DYM: variants seen among roughly 807,000 people sequenced by gnomAD.
The protein encoded by DYM is dymeclin, also known as dyggve-Melchior-Clausen syndrome protein.
DYM carries 78 observed loss-of-function variants against 93.1 expected under a neutral mutation model. The observed-to-expected ratio is 0.84, with a 90% CI of 0.70 to 1.01. The LOEUF is 1.01. Among genes scored for constraint, DYM ranks in the 50% least tolerant of loss-of-function variants. The pLI is 0.00. For synonymous variants in DYM, 321 were observed against 319.7 expected (o/e 1.00, Z -0.04); for missense variants, 789 against 845.0 (o/e 0.93, Z 0.82).
chr18:49,283,549 G>A (rs2095045558), intron 9 of DYM, among the ~76,000 whole-genome samples: 1 of 151,940 alleles, frequency 6.6e-6, no homozygotes, highest in Non-Finnish European at 1.5e-5. Flanking sequence ...TGGATTTGCT[G>A]AGAAACTGAA....
At chr18:49,320,739 C>T (rs11659570) in intron 8 of DYM, among the ~76,000 whole-genome samples, 47,485 of 152,028 alleles carry the variant, frequency 0.31, 8,574 homozygotes, top group Middle Eastern at 0.47. Flanking sequence ...TCCTAAAGTG[C>T]TGGGATTACA....
intron 5 of DYM, among the ~76,000 whole-genome samples, chr18:49,377,576 A>T (rs145068491): frequency 0.012 from 1,784 of 152,202 alleles, 32 homozygotes; most frequent in African/African-American, 0.04. Flanking sequence ...AATAAAAATA[A>T]AAATATAAAT....
intron 13 of DYM, among the ~76,000 whole-genome samples, chr18:49,252,151 G>A (rs1364662126): frequency 7.4e-6 from 1 of 134,692 alleles, no homozygotes; most frequent in Non-Finnish European, 1.5e-5. Context: ...CTGGGAGGTG[G>A]AGGTTGCAGT....
intron 15 of DYM, among the ~76,000 whole-genome samples, chr18:49,160,599 C>T (rs2086991192): frequency 1.4e-5 from 2 of 144,058 alleles, no homozygotes; most frequent in Admixed American, 1.4e-4. Context: ...AAAAAGTACA[C>T]ATCTAGGAAT....
In DYM at chr18:49,160,700, T is replaced by C. The variant is rs572956830; in HGVS notation, c.1728+2985A>G. On this transcript the variant is annotated intron_variant, in intron 15 of 17. Coordinates refer to ENST00000675505, the MANE Select transcript of DYM (RefSeq NM_001353214.3). Reference sequence around the variant, plus strand: ...TTAGTCCAGGACACAGAATTTTATGTGGTTACTGGCAAAGGTACTTAAGTA... The same window carrying C: ...TTAGTCCAGGACACAGAATTTTATGCGGTTACTGGCAAAGGTACTTAAGTA... Among the ~76,000 whole-genome samples the C allele has an allele frequency of 2.0e-5, 3 of 152,276 alleles. No homozygotes were observed. In the East Asian group the frequency reaches 5.8e-4, roughly 29 times the overall value.
chr18:49,415,481 G>T (rs1303314605), intron 2 of DYM, among the ~76,000 whole-genome samples: 1 of 147,198 alleles, frequency 6.8e-6, no homozygotes, highest in African/African-American at 2.5e-5. Flanking sequence ...TATTAAAAAT[G>T]AACATGCATT....
chr18:49,255,631 C>T (rs1598930329), intron 13 of DYM, among the ~76,000 whole-genome samples: 1 of 150,556 alleles, frequency 6.6e-6, no homozygotes, highest in East Asian at 2.0e-4. Flanking sequence ...CAAGATCACA[C>T]CACTGCACTC....
chr18:49,286,276 T>C (rs1694862181), intron 9 of DYM, among the ~76,000 whole-genome samples, 158 bp downstream of exon 9: 1 of 152,206 alleles, frequency 6.6e-6, no homozygotes, highest in South Asian at 2.1e-4. Flanking sequence ...TTGACCTTCC[T>C]GATAATATTG....
intron 17 of DYM, among the ~76,000 whole-genome samples, chr18:49,080,617 G>A: frequency 6.8e-6 from 1 of 147,582 alleles, no homozygotes; most frequent in African/African-American, 2.5e-5. Context: ...CTCCTGGACG[G>A]GGCGGCTGGC....
At chr18:49,229,531 ATTAT>A (rs1468129623) in intron 13 of DYM, among the ~76,000 whole-genome samples, 2 of 152,200 alleles carry the variant, frequency 1.3e-5, no homozygotes, top group African/African-American at 4.8e-5. Context: ...GATGCTCAAC[ATTAT>A]TTGTCATTAG....
intron 6 of DYM, among the ~76,000 whole-genome samples, chr18:49,346,285 T>C (rs2064588438): frequency 6.6e-6 from 1 of 152,182 alleles, no homozygotes; most frequent in Non-Finnish European, 1.5e-5. Flanking sequence ...TGGGATACTT[T>C]TCAGCATAAA....
chr18:49,158,503 G>T (rs997573338), intron 15 of DYM, among the ~76,000 whole-genome samples: 1 of 152,152 alleles, frequency 6.6e-6, no homozygotes, highest in Non-Finnish European at 1.5e-5. Flanking sequence ...TCTTGGATAT[G>T]ACAGCATACC....
At chr18:49,059,231 C>T (rs892703111) in intron 17 of DYM, among the ~76,000 whole-genome samples, 5 of 152,184 alleles carry the variant, frequency 3.3e-5, no homozygotes, top group East Asian at 1.9e-4. Flanking sequence ...GTGCTGTCTA[C>T]GAACCACAAA....
At chr18:49,290,284 G>GA (rs1212471823) in intron 8 of DYM, among the ~76,000 whole-genome samples, 28 of 150,822 alleles carry the variant, frequency 1.9e-4, no homozygotes, top group African/African-American at 6.6e-4. Flanking sequence ...ACCGTTAAGT[G>GA]AAAAAAACAA....
At chr18:49,306,390 A>T (rs914515886) in intron 8 of DYM, among the ~76,000 whole-genome samples, 1 of 152,216 alleles carries the variant, frequency 6.6e-6, no homozygotes, top group Non-Finnish European at 1.5e-5. Flanking sequence ...AGAAAAATCC[A>T]GTTGGCTCAG....
intron 6 of DYM, among the ~76,000 whole-genome samples, chr18:49,338,893 A>G (rs2063866790): frequency 6.6e-6 from 1 of 152,230 alleles, no homozygotes. Context: ...CAAAAATTAC[A>G]CATTAAATTA....
chr18:49,072,057 T>G (rs1175838124), intron 17 of DYM, among the ~76,000 whole-genome samples: 1 of 152,190 alleles, frequency 6.6e-6, no homozygotes, highest in Non-Finnish European at 1.5e-5. Context: ...AGATTTTGTT[T>G]TACAAAATGA....
chr18:49,225,339 A>AT (rs1399052966), intron 13 of DYM, among the ~76,000 whole-genome samples: 1 of 152,130 alleles, frequency 6.6e-6, no homozygotes, highest in Non-Finnish European at 1.5e-5. Context: ...CCCTTGAATC[A>AT]TTTCATTCCT....
chr18:49,069,925 C>A (rs2076754330), intron 17 of DYM, among the ~76,000 whole-genome samples: 3 of 152,214 alleles, frequency 2.0e-5, no homozygotes, highest in South Asian at 4.1e-4. Flanking sequence ...CCCGTAATCC[C>A]AGCTACTCGG....
Sources: gnomAD v4.1 joint callset for allele counts (sites outside exome capture counted in the v4.1 genomes callset) on GRCh38, gnomAD v4.1.1 for gene constraint, MANE v1.5 for transcripts, NCBI Gene and HGNC (gene_info 2026-07-23, HGNC 2026-07-21) for gene names.